LEKR1: variants seen among roughly 807,000 people sequenced by gnomAD.
LEKR1 encodes the protein protein LEKR1.
LEKR1 carries 59 observed loss-of-function variants against 72.4 expected under a neutral mutation model. The observed-to-expected ratio is 0.82, with a 90% CI of 0.66 to 1.01. The LOEUF (loss-of-function observed/expected upper bound fraction) is 1.01. LEKR1 is among the 50% of genes least tolerant of loss of function. LEKR1 has a pLI of 0.00. For missense variants in LEKR1, 728 were observed against 759.2 expected (o/e 0.96, Z 0.48); for synonymous variants, 257 against 263.2 (o/e 0.98, Z 0.23).
At chr3:156,886,209 A>G (rs1576743537) in intron 3 of LEKR1, among the ~76,000 whole-genome samples, 2 of 152,096 alleles carry the variant, frequency 1.3e-5, no homozygotes, top group South Asian at 2.1e-4. Flanking sequence ...TCTGATGCAT[A>G]ATATAGTTTG....
At chr3:156,914,742 C>T (rs1433581478) in intron 3 of LEKR1, among the ~76,000 whole-genome samples, 2 of 152,000 alleles carry the variant, frequency 1.3e-5, no homozygotes, top group Non-Finnish European at 2.9e-5. Flanking sequence ...TCTTAATTAG[C>T]TTGTTGTAGA....
At chr3:157,013,033 G>A (rs931017526) in intron 10 of LEKR1, among the ~76,000 whole-genome samples, 5 of 152,084 alleles carry the variant, frequency 3.3e-5, no homozygotes, top group South Asian at 4.1e-4. Flanking sequence ...GATCTAGTGA[G>A]ATCGTCTCTC....
chr3:156,950,301 G>C (rs1204178043), intron 6 of LEKR1, among the ~76,000 whole-genome samples: 1 of 151,346 alleles, frequency 6.6e-6, no homozygotes, highest in African/African-American at 2.4e-5. Flanking sequence ...TTTTGCTTAG[G>C]ATTTCCTTGG....
intron 6 of LEKR1, among the ~76,000 whole-genome samples, chr3:156,963,969 G>A (rs536728365): frequency 2.6e-5 from 4 of 152,296 alleles, no homozygotes; most frequent in Admixed American, 6.5e-5. Context: ...TTTATGTGGG[G>A]AAGGCAGAAG....
chr3:156,997,956 G>A (rs991104341), intron 9 of LEKR1, among the ~76,000 whole-genome samples: 6 of 152,196 alleles, frequency 3.9e-5, no homozygotes, highest in African/African-American at 1.2e-4. Flanking sequence ...AGGTCTTCTC[G>A]AATCATGGGA....
At chr3:156,857,388 T>C (rs1716199626) in intron 3 of LEKR1, among the ~76,000 whole-genome samples, 2 of 152,124 alleles carry the variant, frequency 1.3e-5, no homozygotes, top group Admixed American at 1.3e-4. Context: ...AATTATCCCT[T>C]AAATATATGT....
intron 3 of LEKR1, among the ~76,000 whole-genome samples, chr3:156,886,134 A>G (rs2108554903): frequency 6.6e-6 from 1 of 152,148 alleles, no homozygotes; most frequent in East Asian, 1.9e-4. Flanking sequence ...GCTTGCTGCA[A>G]CCACTGTGGG....
chr3:156,998,396 C>T (rs1457569724), intron 9 of LEKR1, among the ~76,000 whole-genome samples: 8 of 152,128 alleles, frequency 5.3e-5, no homozygotes, highest in African/African-American at 1.9e-4. Flanking sequence ...TTCGCTTACA[C>T]CAGCATGTGG....
At chr3:157,040,223 A>T (rs1238766460) in intron 12 of LEKR1, among the ~76,000 whole-genome samples, 3 of 152,222 alleles carry the variant, frequency 2.0e-5, no homozygotes, top group African/African-American at 7.2e-5. Flanking sequence ...ATTAAATCTA[A>T]ATTAAGTTGG....
chr3:156,983,138 T>G (rs977468687), intron 7 of LEKR1, among the ~76,000 whole-genome samples: 2 of 152,144 alleles, frequency 1.3e-5, no homozygotes, highest in African/African-American at 4.8e-5. Context: ...TAAATAAGCC[T>G]TAAAAGAAAG....
intron 3 of LEKR1, among the ~76,000 whole-genome samples, chr3:156,915,602 G>T (rs1014059156): frequency 7.3e-5 from 11 of 151,544 alleles, no homozygotes; most frequent in Admixed American, 5.9e-4. Flanking sequence ...TTTTTAACGG[G>T]GTTGTTTGTT....
chr3:156,971,481 T>C (rs1384838425), intron 6 of LEKR1, among the ~76,000 whole-genome samples: 2 of 152,046 alleles, frequency 1.3e-5, no homozygotes, highest in African/African-American at 2.4e-5. Context: ...AAAGGCAAAA[T>C]TGACAAATGG....
chr3:156,996,631 G>A (rs1234921893), intron 9 of LEKR1, among the ~76,000 whole-genome samples: 1 of 152,212 alleles, frequency 6.6e-6, no homozygotes, highest in Non-Finnish European at 1.5e-5. Context: ...GATTTTATAG[G>A]TAGTGAAGCT....
At chr3:157,034,126 A>T (rs1436587717) in intron 12 of LEKR1, among the ~76,000 whole-genome samples, 2 of 152,010 alleles carry the variant, frequency 1.3e-5, no homozygotes, top group Non-Finnish European at 2.9e-5. Flanking sequence ...TCTGATGGAG[A>T]TGTACAAGGG....
At chr3:156,839,477 T>A (rs1713608031) in intron 2 of LEKR1, among the ~76,000 whole-genome samples, 1 of 152,222 alleles carries the variant, frequency 6.6e-6, no homozygotes, top group Non-Finnish European at 1.5e-5. Flanking sequence ...CCAGACGTTG[T>A]GCATGACTTC....
chr3:156,991,478 A>G (rs1731140380), intron 7 of LEKR1, among the ~76,000 whole-genome samples: 2 of 152,152 alleles, frequency 1.3e-5, no homozygotes, highest in South Asian at 4.1e-4. Context: ...ATAATCTTAC[A>G]TAATTCATTG....
At chr3:156,859,345 T>C (rs770106634) in intron 3 of LEKR1, among the ~76,000 whole-genome samples, 1 of 152,236 alleles carries the variant, frequency 6.6e-6, no homozygotes, top group East Asian at 1.9e-4. Context: ...AGAATATCCT[T>C]CTTGACCTTA....
chr3:156,917,809 AAGAG>A (rs1250784236), intron 3 of LEKR1, among the ~76,000 whole-genome samples: 2 of 152,210 alleles, frequency 1.3e-5, no homozygotes, highest in Admixed American at 6.6e-5. Flanking sequence ...ATTGACATGA[AAGAG>A]AGATGAGGAC....
chr3:156,899,503 CATGTAT>C (rs1721670427), intron 3 of LEKR1, among the ~76,000 whole-genome samples: 2 of 106,284 alleles, frequency 1.9e-5, no homozygotes, highest in African/African-American at 9.7e-5. Context: ...CACATATATA[CATGTAT>C]ATATACATAC....
Sources: gnomAD v4.1 joint callset for allele counts (sites outside exome capture counted in the v4.1 genomes callset) on GRCh38, gnomAD v4.1.1 for gene constraint, MANE v1.5 for transcripts, NCBI Gene and HGNC (gene_info 2026-07-23, HGNC 2026-07-21) for gene names.